Variants in ANO5 observed in about 807,000 individuals in gnomAD.
The protein encoded by ANO5 is anoctamin 5, also known as anoctamin-5.
ANO5 carries 109 observed loss-of-function variants against 121.0 expected under a neutral mutation model. The ratio of observed to expected loss-of-function variants is 0.90; its 90% CI spans 0.77 to 1.06. The LOEUF (loss-of-function observed/expected upper bound fraction) is 1.06. Among genes scored for constraint, ANO5 ranks in the 50% least tolerant of loss-of-function variants. The probability of loss-of-function intolerance (pLI) is 0.00; values close to 1 mark genes in which losing one functional copy is unlikely to be tolerated. For synonymous variants in ANO5, 406 were observed against 359.9 expected, an observed-to-expected ratio of 1.13 and a Z score of -1.45; for missense variants, 1,064 against 1,078.5, an observed-to-expected ratio of 0.99 and a Z score of 0.19.
At position 22,259,684 on chromosome 11, in the gene ANO5, G is replaced by A. The variant is rs750264312; in HGVS notation, c.1573G>A (p.Val525Ile). ...CACAGGATCATGCTTGAACTTTATTGTCATCTTGATCTTGAATTTCTTTTA... is the reference window on the plus strand; with the variant it reads ...CACAGGATCATGCTTGAACTTTATTATCATCTTGATCTTGAATTTCTTTTA... Reference protein sequence around the residue: ...SLTGSCLNFIVILILNFFYEK... With the variant: ...SLTGSCLNFIIILILNFFYEK... Residue 525 changes from valine (V) to isoleucine (I), a missense_variant, in exon 15 of 22, where the codon GTC (valine) becomes ATC (isoleucine). Coordinates refer to ENST00000324559, the MANE Select transcript of ANO5 (RefSeq NM_213599.3). 4.3e-6 allele frequency: 7 copies of A among 1,613,862 alleles called. No individual in the cohort carries two copies. The African/African-American group carries it at 6.7e-5, about 15-fold the overall frequency.
At chr11:22,207,848 C>G (rs1055870178) in intron 2 of ANO5, among the ~76,000 whole-genome samples, 1 of 151,636 alleles carries the variant, frequency 6.6e-6, no homozygotes, top group African/African-American at 2.4e-5. Flanking sequence ...AGAAAAAATG[C>G]CCAGTTAGAA....
chr11:22,261,569 G>A (rs1038012098), intron 15 of ANO5: 75 of 156,434 alleles, frequency 4.8e-4, no homozygotes, highest in Admixed American at 1.9e-3. Flanking sequence ...AGAGGATGAC[G>A]CAGGAGAATT....
chr11:22,204,002 T>C, intron 2 of ANO5, 152 bp downstream of exon 2: 1 of 517,246 alleles, frequency 1.9e-6, no homozygotes, highest in Admixed American at 3.4e-5. Context: ...AAGTTCCATG[T>C]TCCATGCAGA....
At chr11:22,239,440 G>T in intron 8 of ANO5, 129 bp from the exon 9 acceptor site, 1 of 686,626 alleles carries the variant, frequency 1.5e-6, no homozygotes, top group African/African-American at 1.8e-5. Flanking sequence ...CACATCAATT[G>T]AATATGAAAT....
At chr11:22,205,703 T>C (rs1436446101) in intron 2 of ANO5, among the ~76,000 whole-genome samples, 1 of 152,010 alleles carries the variant, frequency 6.6e-6, no homozygotes, top group Non-Finnish European at 1.5e-5. Flanking sequence ...ATACATAAAA[T>C]TGACAAACCT....
intron 2 of ANO5, 118 bp from the exon 3 acceptor site, chr11:22,211,146 G>A: frequency 9.3e-7 from 1 of 1,074,484 alleles, no homozygotes; most frequent in Non-Finnish European, 1.4e-6. Context: ...GATTTAATGT[G>A]GTTCCAGATT....
intron 7 of ANO5, among the ~76,000 whole-genome samples, chr11:22,230,514 T>A (rs1853004230): frequency 6.6e-6 from 1 of 152,048 alleles, no homozygotes; most frequent in Admixed American, 6.6e-5. Context: ...ATAGTGTTTT[T>A]AAAAAATTCT....
intron 3 of ANO5, among the ~76,000 whole-genome samples, chr11:22,215,818 TTCC>T (rs2133568979): frequency 6.6e-6 from 1 of 151,992 alleles, no homozygotes; most frequent in South Asian, 2.1e-4. Context: ...TTTAGCGGTT[TTCC>T]TCCTACCATA....
Position 22,276,110 on chromosome 11 carries a change from T to G in ANO5, c.2431T>G (p.Tyr811Asp). ...FITCRYRDYR[Y>D]PPDDENKYFH... ...ACTTTTCAGGTACAGAGATTACAGA[T>G]ATCCTCCTGATGACGAGAATAAATA... The change falls in exon 21 of 22, where the codon TAT becomes GAT. Residue 811 changes from tyrosine to aspartate, a missense_variant. Tyr to Asp is a radical substitution (Grantham distance 160). Transcript: ENST00000324559. 1.2e-6 allele frequency: 2 copies of G among 1,608,810 alleles called. No individual in the cohort carries two copies. The highest frequency in any genetic ancestry group is 1.7e-6 in the Non-Finnish European group (2 of 1,175,766).
intron 1 of ANO5, among the ~76,000 whole-genome samples, chr11:22,195,944 A>G (rs950905652): frequency 1.3e-5 from 2 of 152,194 alleles, no homozygotes; most frequent in Non-Finnish European, 2.9e-5. Context: ...GAAGTGTGGC[A>G]TTGATGAGAT....
Position 22,236,242 on chromosome 11 carries a change from C to G in ANO5, c.728C>G (p.Ser243Cys). 2.5e-6 allele frequency: 4 copies of G among 1,613,174 alleles called. No individual in the cohort carries two copies. The highest frequency in any genetic ancestry group is 3.4e-6 in the Non-Finnish European group (4 of 1,179,402). ...KRFGIERLLNSNTYSSAYPLH... is the reference protein window; with the variant it reads ...KRFGIERLLNCNTYSSAYPLH... ...TTTGGGATTGAAAGACTGCTAAACT[C>G]TAACACTTACTCATCTGCCTATCCA... Residue 243 changes from serine to cysteine, a missense_variant, in exon 8 of 22, where the codon TCT becomes TGT. By Grantham distance (112) the Ser-to-Cys change is moderately radical (BLOSUM62 -1). Transcript: ENST00000324559.
chr11:22,226,908 C>G (rs1412556552), intron 6 of ANO5, among the ~76,000 whole-genome samples: 2 of 152,014 alleles, frequency 1.3e-5, no homozygotes, highest in African/African-American at 4.8e-5. Flanking sequence ...ATATGTATCA[C>G]TTATATAACG....
rs1852874979 is a variant in ANO5 at position 22,227,368 on chromosome 11, GCT to G, written c.431_432del (p.Ala144GlyfsTer10). 6 of 1,613,470 alleles carry G rather than the reference GCT, an allele frequency of 3.7e-6. No individual in the cohort carries two copies. The highest frequency in any genetic ancestry group is 5.1e-6 in the Non-Finnish European group (6 of 1,179,740). ...CCCTTGGGAGGTATTAGTTACCTAT[GCT>G]GAAGTCTTGGGAATCAAAATGCCTA... ...HAPWEVLVTY[A>X]EVLGIKMPIK... On this transcript the variant is annotated frameshift_variant, in exon 7 of 22. Transcript: ENST00000324559. LOFTEE classifies it high-confidence loss of function.
intron 8 of ANO5, among the ~76,000 whole-genome samples, chr11:22,238,863 G>A (rs1202046015): frequency 6.6e-6 from 1 of 151,960 alleles, no homozygotes; most frequent in Non-Finnish European, 1.5e-5. Flanking sequence ...TTTAACGTTA[G>A]GTATATCTCC....
At chr11:22,214,993 A>T (rs1425162613) in intron 3 of ANO5, among the ~76,000 whole-genome samples, 1 of 152,062 alleles carries the variant, frequency 6.6e-6, no homozygotes, top group Non-Finnish European at 1.5e-5. Flanking sequence ...GATTGTCAGT[A>T]TAGAAATGTC....
chr11:22,264,695 T>A (rs1218465302), intron 17 of ANO5, among the ~76,000 whole-genome samples: 1 of 151,976 alleles, frequency 6.6e-6, no homozygotes, highest in African/African-American at 2.4e-5. Flanking sequence ...TAAGGAAAGG[T>A]GATACTGTCA....
chr11:22,266,840 T>C (rs1159343614), intron 17 of ANO5, among the ~76,000 whole-genome samples: 1 of 152,166 alleles, frequency 6.6e-6, no homozygotes, highest in Admixed American at 6.6e-5. Context: ...TTTGACAGCA[T>C]CCTTGGACTC....
intron 19 of ANO5, among the ~76,000 whole-genome samples, chr11:22,274,333 C>T (rs778249915): frequency 2.0e-5 from 3 of 152,016 alleles, no homozygotes; most frequent in African/African-American, 4.8e-5. Flanking sequence ...AGATACATTT[C>T]GGTCTGACTC....
intron 1 of ANO5, among the ~76,000 whole-genome samples, chr11:22,195,801 T>C (rs1211601716): frequency 6.6e-6 from 1 of 152,174 alleles, no homozygotes; most frequent in Admixed American, 6.5e-5. Flanking sequence ...ATTGTGCCTC[T>C]GATTAGGGTG....
Sources: allele counts gnomAD v4.1 joint callset (sites outside exome capture counted in the v4.1 genomes callset), GRCh38; gene constraint gnomAD v4.1.1; transcripts MANE v1.5; gene names NCBI Gene and HGNC (gene_info 2026-07-23, HGNC 2026-07-21).